Variants in ERBB4 observed in about 807,000 individuals in gnomAD.
ERBB4 encodes erb-b2 receptor tyrosine kinase 4.
A neutral mutation model predicts 158.0 loss-of-function variants in ERBB4; 42 were observed. The ratio of observed to expected loss-of-function variants is 0.27; its 90% CI spans 0.21 to 0.34. The LOEUF (loss-of-function observed/expected upper bound fraction) is 0.34. ERBB4 is among the 10% of genes least tolerant of loss of function. The probability of loss-of-function intolerance (pLI) is 1.00; values close to 1 mark genes in which losing one functional copy is unlikely to be tolerated. For synonymous variants in ERBB4, 583 were observed against 558.7 expected, an observed-to-expected ratio of 1.04 and a Z score of -0.61; for missense variants, 1,333 against 1,624.1, an observed-to-expected ratio of 0.82 and a Z score of 3.08.
chr2:212,450,019 G>A (rs1421682899), intron 1 of ERBB4, among the ~76,000 whole-genome samples: 1 of 152,120 alleles, frequency 6.6e-6, no homozygotes, highest in East Asian at 1.9e-4. Flanking sequence ...GTTTAAAAAG[G>A]AATGAATCAT....
intron 20 of ERBB4, among the ~76,000 whole-genome samples, chr2:211,485,816 C>T (rs1039947437): frequency 6.6e-6 from 1 of 151,588 alleles, no homozygotes; most frequent in Non-Finnish European, 1.5e-5. Flanking sequence ...TGTAACTAAC[C>T]TGCACATTGT....
In ERBB4 at chr2:211,382,093, A is replaced by G. The variant is rs2062582784; in HGVS notation, c.*1522T>C. 4.3e-6 allele frequency: 1 copy of G among 230,006 alleles called. No homozygotes were observed. Among genetic ancestry groups the G allele is most frequent in the Non-Finnish European group, 8.6e-6 (1 of 116,114 alleles). 14.2% of individuals were successfully genotyped at this position (230,006 alleles called of 1,614,324 possible). ...TTGGATAATAAAATAATTGCATGAG[A>G]AGATGTTTCACATTTATTTACAACT... is the stretch of plus-strand genomic sequence containing the variant. On this transcript the variant is annotated 3_prime_UTR_variant, in exon 28 of 28. Coordinates refer to ENST00000342788, the MANE Select transcript of ERBB4 (RefSeq NM_005235.3).
chr2:212,202,277 G>C (rs577723290), intron 1 of ERBB4, among the ~76,000 whole-genome samples: 1 of 152,216 alleles, frequency 6.6e-6, no homozygotes, highest in South Asian at 2.1e-4. Context: ...TATTCACTAA[G>C]TATTTATTGA....
intron 3 of ERBB4, among the ~76,000 whole-genome samples, chr2:211,838,626 G>C (rs2077395200): frequency 6.6e-6 from 1 of 151,934 alleles, no homozygotes. Flanking sequence ...GCTTATGTGG[G>C]TATGTCCAAA....
At chr2:212,235,865 T>C (rs1424392490) in intron 1 of ERBB4, among the ~76,000 whole-genome samples, 1 of 152,218 alleles carries the variant, frequency 6.6e-6, no homozygotes, top group East Asian at 1.9e-4. Context: ...AAGGAGATTT[T>C]GGGCTGACAC....
At chr2:211,650,302 A>G (rs1038969980) in intron 16 of ERBB4, among the ~76,000 whole-genome samples, 2 of 152,234 alleles carry the variant, frequency 1.3e-5, no homozygotes, top group African/African-American at 4.8e-5. Flanking sequence ...ACAATGTTTT[A>G]ATTAAAATAT....
Position 211,558,773 on chromosome 2 carries a change from A to T in ERBB4, c.2487+3130T>A, listed in dbSNP as rs546495331. On this transcript the variant is annotated intron_variant, in intron 20 of 27. Transcript: ENST00000342788. ...AATTCTGCTCCCGAAGTAGAAAAAAAAAATAAAGGAAGGACTCCCTGCTTA... is the reference window on the plus strand; with the variant it reads ...AATTCTGCTCCCGAAGTAGAAAAAATAAATAAAGGAAGGACTCCCTGCTTA... 7.9e-5 allele frequency among the ~76,000 whole-genome samples: 12 copies of T among 152,238 alleles called. No homozygotes were observed. The South Asian group carries it at 2.5e-3, about 32-fold the overall frequency.
intron 20 of ERBB4, among the ~76,000 whole-genome samples, chr2:211,518,475 G>A (rs1041032664): frequency 1.3e-5 from 2 of 152,040 alleles, no homozygotes; most frequent in African/African-American, 4.8e-5. Context: ...CCAATATGGT[G>A]AAACCCTGTC....
At chr2:212,022,013 C>A (rs1005555243) in intron 2 of ERBB4, among the ~76,000 whole-genome samples, 1 of 152,074 alleles carries the variant, frequency 6.6e-6, no homozygotes, top group Non-Finnish European at 1.5e-5. Context: ...ATTAAAAAGT[C>A]AAGAAACAAC....
At chr2:212,374,814 T>A (rs934971140) in intron 1 of ERBB4, among the ~76,000 whole-genome samples, 2 of 151,930 alleles carry the variant, frequency 1.3e-5, no homozygotes, top group Non-Finnish European at 2.9e-5. Context: ...AGTCACTGAT[T>A]TACTCTGTGG....
At chr2:212,331,075 C>T (rs7421993) in intron 1 of ERBB4, among the ~76,000 whole-genome samples, 145 of 20,976 alleles carry the variant, frequency 6.9e-3, no homozygotes, top group East Asian at 0.026. Flanking sequence ...TATATATACA[C>T]ATATATATAT....
intron 20 of ERBB4, among the ~76,000 whole-genome samples, chr2:211,512,919 G>T (rs567794481): frequency 6.6e-6 from 1 of 152,134 alleles, no homozygotes; most frequent in East Asian, 1.9e-4. Flanking sequence ...AAAAGATGTC[G>T]GGTAGAAATT....
chr2:212,331,643 A>G (rs2088180476), intron 1 of ERBB4, among the ~76,000 whole-genome samples: 1 of 152,056 alleles, frequency 6.6e-6, no homozygotes, highest in Non-Finnish European at 1.5e-5. Flanking sequence ...AACTCAAATT[A>G]TTATCAAATC....
intron 20 of ERBB4, among the ~76,000 whole-genome samples, chr2:211,485,849 A>C: frequency 7.0e-6 from 1 of 143,182 alleles, no homozygotes; most frequent in South Asian, 2.1e-4. Flanking sequence ...TAAAACTTAA[A>C]GTATAATAAA....
At chr2:212,498,842 T>G (rs1690725867) in intron 1 of ERBB4, among the ~76,000 whole-genome samples, 1 of 151,722 alleles carries the variant, frequency 6.6e-6, no homozygotes, top group South Asian at 2.1e-4. Context: ...GAAGGAGAAG[T>G]ATACAGGGGC....
chr2:212,517,149 C>T (rs1691896699), intron 1 of ERBB4, among the ~76,000 whole-genome samples: 1 of 152,038 alleles, frequency 6.6e-6, no homozygotes, highest in Non-Finnish European at 1.5e-5. Context: ...AATTTAAAGG[C>T]CTTAACTTTG....
At chr2:211,947,918 G>A (rs1388181726) in intron 2 of ERBB4, among the ~76,000 whole-genome samples, 1 of 152,064 alleles carries the variant, frequency 6.6e-6, no homozygotes, top group East Asian at 1.9e-4. Context: ...AAGGAATAAA[G>A]GTCTTGCTTA....
intron 1 of ERBB4, among the ~76,000 whole-genome samples, chr2:212,187,648 G>T (rs1422928554): frequency 2.0e-5 from 3 of 152,036 alleles, no homozygotes; most frequent in Non-Finnish European, 4.4e-5. Context: ...TACTGAATTT[G>T]TTACTAATTT....
intron 9 of ERBB4, among the ~76,000 whole-genome samples, chr2:211,707,775 T>C (rs959139152): frequency 2.0e-5 from 3 of 152,180 alleles, no homozygotes; most frequent in Admixed American, 1.3e-4. Context: ...GGTACTCTTG[T>C]ACTATAAACT....
Sources: allele counts gnomAD v4.1 joint callset (sites outside exome capture counted in the v4.1 genomes callset), GRCh38; gene constraint gnomAD v4.1.1; transcripts MANE v1.5; gene names NCBI Gene and HGNC (gene_info 2026-07-23, HGNC 2026-07-21).